NPHP3: variants seen among roughly 807,000 people sequenced by gnomAD.
NPHP3 encodes the protein nephrocystin-3.
Under a neutral mutation model 171.9 loss-of-function variants are expected in NPHP3, and 123 were observed. That is an observed-to-expected ratio of 0.72 (90% CI 0.62 to 0.83). NPHP3 has a LOEUF of 0.83. Ranked by LOEUF, NPHP3 falls within the 40% of genes least tolerant of loss-of-function variation. NPHP3 has a pLI of 0.00. For synonymous variants in NPHP3, 558 were observed against 579.2 expected (o/e 0.96, Z 0.52); for missense variants, 1,506 against 1,591.9 (o/e 0.95, Z 0.92).
rs192957790 is a variant in NPHP3, at chr3:132,701,899, G to A, written c.1525-366C>T. 2.4e-3 allele frequency among the ~76,000 whole-genome samples: 362 copies of A among 152,218 alleles called. 2 individuals carry two copies. Among genetic ancestry groups the A allele is most frequent in the African/African-American group, 7.9e-3 (327 of 41,528 alleles). Reference sequence around the variant, plus strand: ...AAATTAGCCGAGCGTGGTGGCGGGCGCCTGTAGTCCCAGCTACTCAGGAGG... The same window carrying A: ...AAATTAGCCGAGCGTGGTGGCGGGCACCTGTAGTCCCAGCTACTCAGGAGG... On this transcript the variant is annotated intron_variant, in intron 9 of 26. Transcript: ENST00000337331.
chr3:132,686,749 A>G (rs907688233), intron 22 of NPHP3, among the ~76,000 whole-genome samples: 1 of 152,354 alleles, frequency 6.6e-6, no homozygotes, highest in Admixed American at 6.5e-5. Context: ...TAAATTAAAG[A>G]AATATGCTAC....
In NPHP3 at chr3:132,690,517, A is replaced by G. The variant is rs766871736; in HGVS notation, c.2693+11T>C. 3.8e-5 allele frequency: 62 copies of G among 1,611,036 alleles called. No homozygotes were observed. Among genetic ancestry groups the G allele is most frequent in the Non-Finnish European group, 5.2e-5 (61 of 1,177,390 alleles). The stretch of plus-strand genomic sequence containing the variant: ...TCTTTCTGGGGAAAGATGTTCTATA[A>G]TGTTTCTTACCTTTTATAAAGGTTT... On this transcript the variant is annotated intron_variant, in intron 19 of 26. Coordinates refer to ENST00000337331, the MANE Select transcript of NPHP3 (RefSeq NM_153240.5).
At chr3:132,713,947 G>A (rs1488928660) in intron 5 of NPHP3, among the ~76,000 whole-genome samples, 2 of 152,224 alleles carry the variant, frequency 1.3e-5, no homozygotes, top group African/African-American at 4.8e-5. Flanking sequence ...TATAGCATGT[G>A]ACACACAGAT....
chr3:132,691,278 T>C lies in NPHP3; in HGVS notation c.2484A>G (p.Glu828=). ...LLRFQHLQAW[E]TVRLEYLEGP... is the part of the protein sequence containing the mutation. Reference sequence around the variant, plus strand: ...CTTCCAGGTACTCCAATCTCACTGTTTCCCAAGCCTAGGGAGAAAAAGAAG... The same window carrying C: ...CTTCCAGGTACTCCAATCTCACTGTCTCCCAAGCCTAGGGAGAAAAAGAAG... Residue 828 remains glutamate (E), a synonymous_variant, in exon 18 of 27, where the codon GAA becomes GAG. Transcript: ENST00000337331. 1 of 1,611,662 alleles carries C rather than the reference T, an allele frequency of 6.2e-7. No homozygotes were observed. The highest frequency in any genetic ancestry group is 1.3e-5 in the African/African-American group (1 of 74,984).
At chr3:132,689,816 T>TA (rs1433250244) in intron 19 of NPHP3, among the ~76,000 whole-genome samples, 4 of 152,110 alleles carry the variant, frequency 2.6e-5, no homozygotes, top group African/African-American at 7.2e-5. Context: ...GCTGGTAAAC[T>TA]AAAAAATATC....
chr3:132,696,754 G>C lies in NPHP3; in HGVS notation c.2148C>G (p.Thr716=), dbSNP rs1365195542. 2.5e-6 allele frequency: 4 copies of C among 1,614,102 alleles called. No homozygotes were observed. The South Asian group carries it at 3.3e-5, about 13-fold the overall frequency. Reference sequence around the variant, plus strand: ...ACCGCGCGATCATTTTGCCGAAAAGGGTGACATAAAGGGCATTGCAGGTTG... The same window carrying C: ...ACCGCGCGATCATTTTGCCGAAAAGCGTGACATAAAGGGCATTGCAGGTTG... ...SATTCNALYV[T]LFGKMIARAG... is the part of the protein sequence containing the mutation. Residue 716 remains threonine, a synonymous_variant, in exon 15 of 27, where the codon ACC becomes ACG. Transcript: ENST00000337331.
rs139712822 is a variant in NPHP3 at position 132,700,174 on chromosome 3, A to G, written c.1744-113T>C. On this transcript the variant is annotated intron_variant, in intron 11 of 26. Transcript: ENST00000337331. Reference sequence around the variant, plus strand: ...CTTTTTTATAAACCAAAATCAAGTCACCAAGAGGACCCGATTGTATCGAAT... The same window carrying G: ...CTTTTTTATAAACCAAAATCAAGTCGCCAAGAGGACCCGATTGTATCGAAT... 4.4e-4 allele frequency: 578 copies of G among 1,304,648 alleles called. 3 individuals are homozygous for G. In the African/African-American group the frequency reaches 7.4e-3, roughly 17 times the overall value. 80.8% of individuals were successfully genotyped at this position (1,304,648 alleles called of 1,614,324 possible).
chr3:132,707,655 C>T (rs1939789690), intron 7 of NPHP3, among the ~76,000 whole-genome samples: 1 of 151,834 alleles, frequency 6.6e-6, no homozygotes, highest in Admixed American at 6.5e-5. Flanking sequence ...ATCCTATTGG[C>T]TCTACTGTCA....
Position 132,681,968 on chromosome 3 carries a change from G to T in NPHP3, c.3935C>A (p.Thr1312Lys), listed in dbSNP as rs778488977. 6.2e-7 allele frequency: 1 copy of T among 1,614,052 alleles called. No individual in the cohort carries two copies. Among genetic ancestry groups the T allele is most frequent in the Non-Finnish European group, 8.5e-7 (1 of 1,179,948 alleles). Residue 1312 changes from threonine (T) to lysine (K), a missense_variant, in exon 27 of 27, where the codon ACG becomes AAG. Coordinates refer to ENST00000337331, the MANE Select transcript of NPHP3 (RefSeq NM_153240.5). ...AGAATGAGCTGTTTTTAAGCTAAAC[G>T]TGTCTCCACTTGATGAATGGCGTGA... Reference protein sequence around the residue: ...APSRHSSSGDTFSLKTAHSPN... With the variant: ...APSRHSSSGDKFSLKTAHSPN...
Position 132,713,257 on chromosome 3 carries a change from G to C in NPHP3, c.987C>G (p.Cys329Trp). 6.2e-7 allele frequency: 1 copy of C among 1,601,530 alleles called. No individual in the cohort carries two copies. Among genetic ancestry groups the C allele is most frequent in the Non-Finnish European group, 8.5e-7 (1 of 1,173,068 alleles). Reference protein sequence around the residue: ...KDYSPKLKRMCETMGYFFHAV... With the variant: ...KDYSPKLKRMWETMGYFFHAV... ...CATGGAAAAAATATCCCATTGTCTC[G>C]CACATTCTCTTAAGTTTAGGTGAAT... Residue 329 changes from cysteine (C) to tryptophan (W), a missense_variant, in exon 6 of 27, where the codon TGC becomes TGG. Cys to Trp is a radical substitution (Grantham distance 215). Transcript: ENST00000337331.
chr3:132,721,242 T>C (rs2108006031), intron 1 of NPHP3, among the ~76,000 whole-genome samples: 1 of 152,310 alleles, frequency 6.6e-6, no homozygotes, highest in African/African-American at 2.4e-5. Flanking sequence ...TTTATTGAAT[T>C]ATAATGGACC....
intron 24 of NPHP3, among the ~76,000 whole-genome samples, chr3:132,683,736 C>T (rs1054559262): frequency 4.6e-5 from 7 of 152,054 alleles, no homozygotes; most frequent in Non-Finnish European, 8.8e-5. Context: ...ATTCAGAAAA[C>T]CCTTTAGGAT....
chr3:132,717,586 C>T (rs1047555550), intron 3 of NPHP3, among the ~76,000 whole-genome samples: 2 of 151,670 alleles, frequency 1.3e-5, no homozygotes, highest in Non-Finnish European at 2.9e-5. Context: ...ATGTTTAAAA[C>T]AAAAATGAAA....
At position 132,681,589 on chromosome 3, in the gene NPHP3, C is replaced by T; in HGVS notation, c.*321G>A. On this transcript the variant is annotated 3_prime_UTR_variant, in exon 27 of 27. Coordinates refer to ENST00000337331, the MANE Select transcript of NPHP3 (RefSeq NM_153240.5). ...GGCCAAGATTCATGGAATTTTTGAA[C>T]TCCTTGTCTTAACTACTCTGCCAGC... The T allele has an allele frequency of 3.1e-6, 1 of 319,274 alleles. No individual in the cohort carries two copies. Among genetic ancestry groups the T allele is most frequent in the East Asian group, 8.3e-5 (1 of 12,052 alleles). 19.8% of individuals were successfully genotyped at this position (319,274 alleles called of 1,614,324 possible). A position where few individuals can be genotyped will look rare whatever the true frequency, so the allele number is the denominator to read the frequency against.
chr3:132,710,859 T>C, intron 6 of NPHP3, among the ~76,000 whole-genome samples: 1 of 152,170 alleles, frequency 6.6e-6, no homozygotes, highest in East Asian at 1.9e-4. Flanking sequence ...ACAGTGCCTG[T>C]GCACCTCACT....
rs1454891107 is a variant in NPHP3, at chr3:132,686,256, T to C, written c.3329+4A>G. 1.2e-6 allele frequency: 2 copies of C among 1,613,274 alleles called. No individual in the cohort carries two copies. The highest frequency in any genetic ancestry group is 1.7e-6 in the Non-Finnish European group (2 of 1,179,250). On this transcript the variant is annotated splice_donor_region_variant and intron_variant, in intron 23 of 26. Transcript: ENST00000337331. ...ATTTTCATTATTAACCCCATGGTAC[T>C]CACTCCAGGTTATTTTGAAGATAGT...
intron 9 of NPHP3, among the ~76,000 whole-genome samples, chr3:132,702,934 G>C (rs530660202): frequency 6.6e-6 from 1 of 152,278 alleles, no homozygotes. Context: ...AAAAACCATA[G>C]GATCTGGAGC....
At chr3:132,691,733 T>C (rs768242153) in intron 17 of NPHP3, among the ~76,000 whole-genome samples, 3 of 152,230 alleles carry the variant, frequency 2.0e-5, no homozygotes, top group Non-Finnish European at 4.4e-5. Context: ...GGAATTATTT[T>C]AGCCAAAACT....
rs117872197 is a variant in NPHP3 at position 132,696,770 on chromosome 3, T to A, written c.2132A>T (p.Asn711Ile). 6.2e-7 allele frequency: 1 copy of A among 1,614,182 alleles called. No individual in the cohort carries two copies. The change falls in exon 15 of 27, where the codon AAT (asparagine) becomes ATT (isoleucine). Residue 711 changes from asparagine (N) to isoleucine (I), a missense_variant. Around this residue, in one of 3 missense-constraint regions of NPHP3, gnomAD observed 930 missense variants for 924.9 expected, o/e 1.01. Transcript: ENST00000337331. ...ERHCRSATTC[N>I]ALYVTLFGKM... ...GCCGAAAAGGGTGACATAAAGGGCA[T>A]TGCAGGTTGTAGCAGAACGACAGTG...
Sources: allele counts gnomAD v4.1 joint callset (sites outside exome capture counted in the v4.1 genomes callset), GRCh38; gene constraint gnomAD v4.1.1; regional missense constraint gnomAD v4.1.1; transcripts MANE v1.5; gene names NCBI Gene and HGNC (gene_info 2026-07-23, HGNC 2026-07-21).